KIF4A: variants seen among roughly 807,000 people sequenced by gnomAD.
KIF4A encodes chromosome-associated kinesin KIF4A.
KIF4A carries 7 observed loss-of-function variants against 105.9 expected under a neutral mutation model. That is an observed-to-expected ratio of 0.07 (90% confidence interval 0.04 to 0.12). KIF4A has a LOEUF of 0.12. Among genes scored for constraint, KIF4A ranks in the 10% least tolerant of loss-of-function variants. The pLI, the probability that KIF4A is intolerant of heterozygous loss-of-function variation, is 1.00. For synonymous variants in KIF4A, 281 were observed against 331.3 expected, an observed-to-expected ratio of 0.85 and a Z score of 1.65; for missense variants, 558 against 929.2, an observed-to-expected ratio of 0.60 and a Z score of 5.19.
Position 70,418,012 on chromosome X carries a change from C to T in KIF4A, c.3372+8C>T. 8.4e-7 allele frequency: 1 copy of T among 1,185,249 alleles called. No individual in the cohort carries two copies. Among genetic ancestry groups the T allele is most frequent in the Non-Finnish European group, 1.1e-6 (1 of 875,948 alleles). Reference sequence around the variant, plus strand: ...AACCGCCAGCAAGGCAAGGTAGGATCAGGGCTGTTTCCTCTCCCCTTCCCT... The same window carrying T: ...AACCGCCAGCAAGGCAAGGTAGGATTAGGGCTGTTTCCTCTCCCCTTCCCT... On this transcript the variant is annotated splice_region_variant and intron_variant, in intron 29 of 30. Coordinates refer to ENST00000374403, the MANE Select transcript of KIF4A (RefSeq NM_012310.5).
chrX:70,394,863 A>G (rs1371716069), intron 20 of KIF4A, among the ~76,000 whole-genome samples: 1 of 112,191 alleles, frequency 8.9e-6, no homozygotes, highest in Non-Finnish European at 1.9e-5. Flanking sequence ...TGATTCTAAT[A>G]TAATCACTCT....
intron 27 of KIF4A, 145 bp from the exon 28 acceptor site, chrX:70,406,748 G>A (rs1268123650): frequency 1.6e-6 from 1 of 620,510 alleles, no homozygotes; most frequent in African/African-American, 2.3e-5. Flanking sequence ...TCTTCTGATT[G>A]GTAAAGCCAA....
In KIF4A at chrX:70,406,276, G is replaced by A; in HGVS notation, c.2994G>A (p.Gln998=). The change falls in exon 27 of 31, where the codon CAG becomes CAA. Residue 998 remains glutamine (Q), a synonymous_variant. Transcript: ENST00000374403. Reference sequence around the variant, plus strand: ...TCAAATAGAAACTGACCCTCCTCCAGGTAGCCAGCAGACAGAAACATCTTC... The same window carrying A: ...TCAAATAGAAACTGACCCTCCTCCAAGTAGCCAGCAGACAGAAACATCTTC... ...EIIKQKLTLL[Q]VASRQKHLPK... 8.3e-7 allele frequency: 1 copy of A among 1,208,441 alleles called. No homozygotes were observed. The highest frequency in any genetic ancestry group is 1.1e-6 in the Non-Finnish European group (1 of 892,831).
At chrX:70,348,335 C>CA (rs2086002660) in intron 13 of KIF4A, among the ~76,000 whole-genome samples, 1 of 111,293 alleles carries the variant, frequency 9.0e-6, no homozygotes, top group Non-Finnish European at 1.9e-5. Context: ...ACCCTGTCTA[C>CA]AAAAAAGTTT....
Position 70,418,016 on chromosome X carries a change from G to T in KIF4A, c.3372+12G>T, listed in dbSNP as rs2086351374. ...GCCAGCAAGGCAAGGTAGGATCAGG[G>T]CTGTTTCCTCTCCCCTTCCCTTCAG... On this transcript the variant is annotated intron_variant, in intron 29 of 30. Coordinates refer to ENST00000374403, the MANE Select transcript of KIF4A (RefSeq NM_012310.5). 8.5e-7 allele frequency: 1 copy of T among 1,173,401 alleles called. No individual in the cohort carries two copies. The highest frequency in any genetic ancestry group is 1.2e-6 in the Non-Finnish European group (1 of 868,224).
In KIF4A at chrX:70,376,110, A is replaced by G. The variant is rs1186430087; in HGVS notation, c.1934A>G (p.Asn645Ser). Residue 645 changes from asparagine to serine, a missense_variant, in exon 18 of 31, where the codon AAC (asparagine) becomes AGC (serine). Asn to Ser is a conservative substitution (Grantham distance 46, BLOSUM62 1). This residue lies in a region of KIF4A where 469 missense variants were observed against 680.4 expected (regional missense o/e 0.69). Transcript: ENST00000374403. Reference protein sequence around the residue: ...KLNQEIRMMKNQRVQLMRQMK... With the variant: ...KLNQEIRMMKSQRVQLMRQMK... ...TTTTTGTTTTTATAGATGATGAAAA[A>G]CCAGCGGGTACAGTTAATGCGTCAA... 1 of 1,199,731 alleles carries G rather than the reference A, an allele frequency of 8.3e-7. No individual in the cohort carries two copies. Among genetic ancestry groups the G allele is most frequent in the Non-Finnish European group, 1.1e-6 (1 of 887,419 alleles).
chrX:70,308,114 T>C (rs1289122549), intron 7 of KIF4A, among the ~76,000 whole-genome samples: 1 of 111,710 alleles, frequency 9.0e-6, no homozygotes, highest in Non-Finnish European at 1.9e-5. Flanking sequence ...TCAGACAACT[T>C]TCTAGACCTT....
chrX:70,405,985 T>C (rs1000664359), intron 26 of KIF4A, 80 bp downstream of exon 26: 1 of 736,684 alleles, frequency 1.4e-6, no homozygotes, highest in Non-Finnish European at 2.1e-6. Flanking sequence ...CCAACCCCCA[T>C]TGTGGTGACT....
At position 70,290,457 on chromosome X, in the gene KIF4A, T is replaced by A. The variant is rs1331748363; in HGVS notation, c.-2T>A. 8.3e-7 allele frequency: 1 copy of A among 1,206,495 alleles called. No individual in the cohort carries two copies. Among genetic ancestry groups the A allele is most frequent in the African/African-American group, 1.8e-5 (1 of 56,763 alleles). ...TCGCAGAGACGGTGCTGAGATAGGA[T>A]CATGAAGGAAGAGGTGAAGGGAATT... On this transcript the variant is annotated 5_prime_UTR_variant, in exon 2 of 31. Transcript: ENST00000374403.
chrX:70,328,886 A>G (rs2085920199), intron 7 of KIF4A, among the ~76,000 whole-genome samples: 1 of 112,036 alleles, frequency 8.9e-6, no homozygotes, highest in Non-Finnish European at 1.9e-5. Context: ...GTATTTCACT[A>G]TGGTATAATG....
At chrX:70,321,644 C>T (rs2085890585) in intron 7 of KIF4A, among the ~76,000 whole-genome samples, 1 of 111,994 alleles carries the variant, frequency 8.9e-6, no homozygotes, top group African/African-American at 3.2e-5. Flanking sequence ...ACTTCTCCCT[C>T]TCAACTGACT....
At chrX:70,301,154 T>C (rs994875448) in intron 5 of KIF4A, among the ~76,000 whole-genome samples, 7 of 111,660 alleles carry the variant, frequency 6.3e-5, no homozygotes, top group African/African-American at 2.3e-4. Context: ...AGAAGTATTA[T>C]AGTAGAGAGA....
chrX:70,367,158 T>C lies in KIF4A; in HGVS notation c.1675-6993T>C, dbSNP rs1236928691. On this transcript the variant is annotated intron_variant, in intron 15 of 30. Coordinates refer to ENST00000374403, the MANE Select transcript of KIF4A (RefSeq NM_012310.5). ...CCTATGTGTGTCTCTGCACGTGAGA[T>C]GGGTTTCCTGAGTACAGCACACTGA... Among the ~76,000 whole-genome samples, 30 of 111,657 alleles carry C rather than the reference T, an allele frequency of 2.7e-4. No homozygotes were observed. The Admixed American group carries it at 2.9e-3, about 11-fold the overall frequency.
chrX:70,376,172 C>A lies in KIF4A; in HGVS notation c.1996C>A (p.Gln666Lys), dbSNP rs2086174370. 2 of 1,197,897 alleles carry A rather than the reference C, an allele frequency of 1.7e-6. No homozygotes were observed. Among genetic ancestry groups the A allele is most frequent in the Non-Finnish European group, 1.1e-6 (1 of 883,964 alleles). ...TGCTGAGAAGTTTAGACAGTGGAAG[C>A]AGAAAAAAGACAAAGAAGTAATACA... is the stretch of plus-strand genomic sequence containing the variant. ...EDAEKFRQWK[Q>K]KKDKEVIQLK... Residue 666 changes from glutamine to lysine, a missense_variant, in exon 18 of 31, where the codon CAG becomes AAG. Physicochemically the swap from Gln to Lys is moderately conservative, Grantham distance 53. Transcript: ENST00000374403.
chrX:70,307,423 C>T (rs1272917700), intron 7 of KIF4A, among the ~76,000 whole-genome samples: 1 of 111,617 alleles, frequency 9.0e-6, no homozygotes, highest in Non-Finnish European at 1.9e-5. Flanking sequence ...TTACTTCTTT[C>T]TTTCTAGTCT....
intron 16 of KIF4A, among the ~76,000 whole-genome samples, 168 bp downstream of exon 16, chrX:70,374,422 C>T (rs901144388): frequency 8.9e-6 from 1 of 111,862 alleles, no homozygotes; most frequent in Non-Finnish European, 1.9e-5. Flanking sequence ...TTTTAAATAG[C>T]GTCTCAAGTT....
intron 20 of KIF4A, 73 bp downstream of exon 20, chrX:70,387,370 T>C: frequency 2.5e-6 from 2 of 789,062 alleles, no homozygotes; most frequent in Non-Finnish European, 3.6e-6. Context: ...AGCTTTTTTT[T>C]TTTCCTTTTT....
intron 18 of KIF4A, among the ~76,000 whole-genome samples, chrX:70,381,936 A>G (rs2086198727): frequency 8.9e-6 from 1 of 112,520 alleles, no homozygotes. Context: ...ACAAAGCTAC[A>G]CTAATCAAGA....
intron 7 of KIF4A, among the ~76,000 whole-genome samples, chrX:70,319,422 G>T (rs1187316962): frequency 1.8e-5 from 2 of 111,282 alleles, no homozygotes. Flanking sequence ...GCAGGGTCCA[G>T]TTTTGTTTTT....
Sources: allele counts gnomAD v4.1 joint callset (sites outside exome capture counted in the v4.1 genomes callset), GRCh38; gene constraint gnomAD v4.1.1; regional missense constraint gnomAD v4.1.1; transcripts MANE v1.5; gene names NCBI Gene and HGNC (gene_info 2026-07-23, HGNC 2026-07-21).